The following KIAA1328 variants were observed in gnomAD, a reference collection of about 807,000 sequenced individuals.
KIAA1328 encodes the protein protein hinderin.
Under a neutral mutation model 68.1 loss-of-function variants are expected in KIAA1328, and 52 were observed. The observed-to-expected ratio is 0.76, with a 90% CI of 0.61 to 0.96. The LOEUF is 0.96. Among genes scored for constraint, KIAA1328 ranks in the 40% least tolerant of loss-of-function variants. KIAA1328 has a pLI of 0.00. For missense variants in KIAA1328, 641 were observed against 677.6 expected (o/e 0.95, Z 0.60); for synonymous variants, 232 against 239.4 (o/e 0.97, Z 0.28).
chr18:37,074,424 G>T (rs974059618), intron 7 of KIAA1328, among the ~76,000 whole-genome samples: 1 of 152,120 alleles, frequency 6.6e-6, no homozygotes, highest in Admixed American at 6.6e-5. Context: ...TCACTTTCAG[G>T]TACACCAATC....
At chr18:37,035,533 G>A (rs2054991796) in intron 6 of KIAA1328, among the ~76,000 whole-genome samples, 1 of 152,076 alleles carries the variant, frequency 6.6e-6, no homozygotes, top group African/African-American at 2.4e-5. Flanking sequence ...ATCTCATTGG[G>A]GCAGATAGGA....
At chr18:36,842,906 C>T (rs1213303378) in intron 3 of KIAA1328, among the ~76,000 whole-genome samples, 1 of 152,072 alleles carries the variant, frequency 6.6e-6, no homozygotes, top group Non-Finnish European at 1.5e-5. Context: ...TCTGATTCTC[C>T]ACTTGTCCTT....
intron 6 of KIAA1328, among the ~76,000 whole-genome samples, chr18:37,038,087 T>G (rs2055099255): frequency 6.6e-6 from 1 of 150,646 alleles, no homozygotes; most frequent in Non-Finnish European, 1.5e-5. Context: ...GGTGGCAGAG[T>G]GAGACTCTGT....
intron 6 of KIAA1328, among the ~76,000 whole-genome samples, chr18:37,065,047 C>T (rs1160465239): frequency 6.6e-6 from 1 of 152,194 alleles, no homozygotes; most frequent in Non-Finnish European, 1.5e-5. Flanking sequence ...TACTGAAAAA[C>T]TCATATTTCT....
chr18:36,839,082 C>G (rs2046774515), intron 3 of KIAA1328, among the ~76,000 whole-genome samples: 2 of 151,990 alleles, frequency 1.3e-5, no homozygotes, highest in African/African-American at 4.8e-5. Context: ...GTTTGTTGAG[C>G]TTTTTGGGAC....
intron 6 of KIAA1328, among the ~76,000 whole-genome samples, chr18:36,964,360 A>G (rs771838112): frequency 9.9e-5 from 15 of 152,216 alleles, no homozygotes; most frequent in Non-Finnish European, 1.9e-4. Context: ...AGATTTTATG[A>G]TGACGATGGC....
intron 5 of KIAA1328, among the ~76,000 whole-genome samples, chr18:36,913,583 G>A (rs1388217905): frequency 1.6e-5 from 2 of 126,174 alleles, no homozygotes; most frequent in Non-Finnish European, 3.4e-5. Context: ...TTAGAGGAAA[G>A]CAACTGCCTG....
chr18:37,102,264 G>T (rs557561084), intron 7 of KIAA1328, among the ~76,000 whole-genome samples: 1 of 152,266 alleles, frequency 6.6e-6, no homozygotes, highest in South Asian at 2.1e-4. Flanking sequence ...ACATACTGGG[G>T]CCTGTCAGGC....
intron 4 of KIAA1328, among the ~76,000 whole-genome samples, chr18:36,844,790 A>T (rs953868911): frequency 6.6e-6 from 1 of 151,862 alleles, no homozygotes; most frequent in Non-Finnish European, 1.5e-5. Flanking sequence ...AGTGATGTAT[A>T]TGAGGCTCAT....
chr18:36,846,770 G>C (rs1029628931), intron 4 of KIAA1328, among the ~76,000 whole-genome samples: 1 of 151,314 alleles, frequency 6.6e-6, no homozygotes, highest in Admixed American at 6.6e-5. Context: ...TGGATGGGGG[G>C]TGGTAAAGTA....
chr18:36,953,195 G>A (rs1233176169), intron 5 of KIAA1328, among the ~76,000 whole-genome samples: 2 of 145,950 alleles, frequency 1.4e-5, no homozygotes, highest in African/African-American at 5.0e-5. Flanking sequence ...TATTTAATAT[G>A]CATATATAAT....
At chr18:36,902,691 T>C (rs970825014) in intron 5 of KIAA1328, among the ~76,000 whole-genome samples, 1 of 152,070 alleles carries the variant, frequency 6.6e-6, no homozygotes, top group Non-Finnish European at 1.5e-5. Flanking sequence ...GTTATATTTA[T>C]TTCCTCTTTT....
intron 7 of KIAA1328, among the ~76,000 whole-genome samples, chr18:37,126,470 C>G (rs2058392044): frequency 6.6e-6 from 1 of 152,036 alleles, no homozygotes. Flanking sequence ...AAAAAACCTT[C>G]CCCCAAAGAA....
At chr18:36,946,943 C>CTGGA (rs2050927440) in intron 5 of KIAA1328, among the ~76,000 whole-genome samples, 1 of 152,112 alleles carries the variant, frequency 6.6e-6, no homozygotes, top group African/African-American at 2.4e-5. Context: ...ATGAGGAACA[C>CTGGA]TTGATGTCAC....
At chr18:37,073,692 A>G (rs1028657549) in intron 7 of KIAA1328, among the ~76,000 whole-genome samples, 4 of 152,062 alleles carry the variant, frequency 2.6e-5, no homozygotes, top group Non-Finnish European at 5.9e-5. Flanking sequence ...TGTCTTAAGT[A>G]TTTTCCAGAG....
At chr18:37,105,118 G>A (rs1446306574) in intron 7 of KIAA1328, among the ~76,000 whole-genome samples, 3 of 152,170 alleles carry the variant, frequency 2.0e-5, no homozygotes, top group African/African-American at 7.2e-5. Flanking sequence ...CAACATGACT[G>A]ATTAACATGA....
intron 6 of KIAA1328, among the ~76,000 whole-genome samples, chr18:37,049,489 T>C (rs192350599): frequency 2.8e-3 from 426 of 152,326 alleles, no homozygotes; most frequent in Non-Finnish European, 4.7e-3. Context: ...ATACTCTAAA[T>C]TTTTAAAAGT....
chr18:36,835,421 T>A (rs1386991438), intron 3 of KIAA1328, 45 bp downstream of exon 3: 8 of 1,572,194 alleles, frequency 5.1e-6, no homozygotes, highest in Non-Finnish European at 6.9e-6. Flanking sequence ...CTCCAGTCTT[T>A]ATGAGTGCTG....
intron 7 of KIAA1328, among the ~76,000 whole-genome samples, chr18:37,067,935 G>T (rs8092680): frequency 0.27 from 40,681 of 151,984 alleles, 8,600 homozygotes; most frequent in African/African-American, 0.59. Context: ...ATAGCAGATG[G>T]GTAGAACCAG....
Sources: gnomAD v4.1 joint callset for allele counts (sites outside exome capture counted in the v4.1 genomes callset) on GRCh38, gnomAD v4.1.1 for gene constraint, MANE v1.5 for transcripts, NCBI Gene and HGNC (gene_info 2026-07-23, HGNC 2026-07-21) for gene names.